Variants in PHKG1 observed in about 807,000 individuals in gnomAD.
PHKG1 encodes the protein phosphorylase kinase catalytic subunit gamma 1, also known as phosphorylase b kinase gamma catalytic chain, skeletal muscle/heart isoform.
A neutral mutation model predicts 50.5 loss-of-function variants in PHKG1; 48 were observed. That is an observed-to-expected ratio of 0.95 (90% CI 0.75 to 1.21). PHKG1 has a LOEUF of 1.21. Among genes scored for constraint, PHKG1 ranks in the 50% most tolerant of loss-of-function variants. PHKG1 has a pLI of 0.00. For synonymous variants in PHKG1, 204 were observed against 212.8 expected (o/e 0.96, Z 0.36); for missense variants, 487 against 519.5 (o/e 0.94, Z 0.61).
Position 56,088,984 on chromosome 7 carries a change from G to T in PHKG1, c.-34-9C>A. ...GGGAACTCTGGGTGGCTCTGAGAGG[G>T]GAAAAGAAAGAAGCTGTCAGCCTTC... On this transcript the variant is annotated splice_polypyrimidine_tract_variant and intron_variant, in intron 1 of 9. Transcript: ENST00000297373. 1.4e-6 allele frequency: 2 copies of T among 1,383,756 alleles called. No individual in the cohort carries two copies. The highest frequency in any genetic ancestry group is 1.2e-5 in the South Asian group (1 of 85,408). 85.7% of individuals were successfully genotyped at this position (1,383,756 alleles called of 1,614,324 possible).
At chr7:56,089,590 C>G (rs1007576375) in intron 1 of PHKG1, among the ~76,000 whole-genome samples, 3 of 148,944 alleles carry the variant, frequency 2.0e-5, no homozygotes, top group East Asian at 2.0e-4. Context: ...AATCTTGGCT[C>G]TCAGCTCACT....
Position 56,081,955 on chromosome 7 carries a change from T to A in PHKG1, c.730A>T (p.Ser244Cys), listed in dbSNP as rs778380422. 3 of 1,613,892 alleles carry A rather than the reference T, an allele frequency of 1.9e-6. No individual in the cohort carries two copies. In the Admixed American group the frequency reaches 5.0e-5, roughly 27 times the overall value. ...KQMLMLRMIM[S>C]GNYQFGSPEW... ...GGCGAGCCAAACTGGTAGTTGCCGCTCATGATCATCCTCAGCATCAGCATC... is the reference window on the plus strand; with the variant it reads ...GGCGAGCCAAACTGGTAGTTGCCGCACATGATCATCCTCAGCATCAGCATC... Residue 244 changes from serine to cysteine, a missense_variant, in exon 8 of 10, where the codon AGC (serine) becomes TGC (cysteine). Transcript: ENST00000297373. This position sits in a 1 kb window ranked among gnomAD's most constrained non-coding sequence, Gnocchi z 4.6.
rs770785821 is a variant in PHKG1 at position 56,087,755 on chromosome 7, CCTGACCACA to C, written c.96_104del (p.Ser32_Val34del). 6.2e-7 allele frequency: 1 copy of C among 1,612,684 alleles called. No homozygotes were observed. Among genetic ancestry groups the C allele is most frequent in the East Asian group, 2.2e-5 (1 of 44,874 alleles). ...GGCTCGTGGGCTTGTGGATGCATCG[CCTGACCACA>C]CTGCTAACGCCCCTGGGAGTGCAGA... On this transcript the variant is annotated inframe_deletion, in exon 3 of 10. Transcript: ENST00000297373.
chr7:56,082,357 C>G, intron 6 of PHKG1, 104 bp from the exon 7 acceptor site: 1 of 866,064 alleles, frequency 1.2e-6, no homozygotes, highest in South Asian at 1.7e-5. Flanking sequence ...CTTTGGGAGG[C>G]CGAGGCAGGT....
chr7:56,090,122 G>T (rs1458489160), intron 1 of PHKG1, among the ~76,000 whole-genome samples: 1 of 151,782 alleles, frequency 6.6e-6, no homozygotes, highest in Non-Finnish European at 1.5e-5. Context: ...TTTGTTTTTG[G>T]TGTTTTTTGT....
chr7:56,087,115 G>C, intron 3 of PHKG1, 91 bp from the exon 4 acceptor site: 1 of 924,382 alleles, frequency 1.1e-6, no homozygotes, highest in East Asian at 2.4e-5. Flanking sequence ...AGGCTGCTGT[G>C]GGCTAACTTC....
intron 4 of PHKG1, among the ~76,000 whole-genome samples, chr7:56,086,654 G>A (rs191004296): frequency 1.4e-4 from 21 of 151,120 alleles, no homozygotes; most frequent in African/African-American, 3.9e-4. Flanking sequence ...CTGGGATTAC[G>A]GTTGTGAGCC....
intron 1 of PHKG1, among the ~76,000 whole-genome samples, chr7:56,090,056 A>G (rs1174086633): frequency 2.0e-5 from 3 of 152,060 alleles, no homozygotes; most frequent in Non-Finnish European, 1.5e-5. Context: ...CTTCTAGGAC[A>G]GGCTTCCTGC....
Position 56,081,257 on chromosome 7 carries a change from GGTA to G in PHKG1, c.958_960del (p.Tyr320del). The G allele has an allele frequency of 6.2e-7, 1 of 1,612,880 alleles. No individual in the cohort carries two copies. The highest frequency in any genetic ancestry group is 8.5e-7 in the Non-Finnish European group (1 of 1,179,896). ...GTCACAGGCTTCACCCGGCGGTACT[GGTA>G]GTAGATCCGCACTGAAGCCAGCACG... On this transcript the variant is annotated inframe_deletion, in exon 10 of 10. Coordinates refer to ENST00000297373, the MANE Select transcript of PHKG1 (RefSeq NM_006213.5). This position sits in a 1 kb window ranked among gnomAD's most constrained non-coding sequence, Gnocchi z 4.6.
In PHKG1 at chr7:56,089,036, G is replaced by T; in HGVS notation, c.-34-61C>A. 5.3e-6 allele frequency: 4 copies of T among 756,584 alleles called. No homozygotes were observed. The South Asian group carries it at 6.0e-5, about 11-fold the overall frequency. The allele number at this position is 756,584 out of a possible 1,614,324, so 46.9% of individuals were successfully genotyped here. ...TGACCCAGGGGCTGTTCTCCTTGGG[G>T]TCTGGAACTGTTTCTCACTCATCCT... On this transcript the variant is annotated intron_variant, in intron 1 of 9. Coordinates refer to ENST00000297373, the MANE Select transcript of PHKG1 (RefSeq NM_006213.5).
At chr7:56,089,442 A>G (rs939651625) in intron 1 of PHKG1, among the ~76,000 whole-genome samples, 2 of 71,958 alleles carry the variant, frequency 2.8e-5, no homozygotes, top group African/African-American at 9.7e-5. Context: ...ATGCTCTGTT[A>G]CCCATCTCTG....
chr7:56,083,183 ATT>A, intron 6 of PHKG1, 93 bp downstream of exon 6: 1 of 1,102,416 alleles, frequency 9.1e-7, no homozygotes, highest in Non-Finnish European at 1.3e-6. Context: ...CCAGGGAACA[ATT>A]AAGTTAGGGG....
rs1223785860 is a variant in PHKG1 at position 56,081,347 on chromosome 7, G to A, written c.919-48C>T. On this transcript the variant is annotated intron_variant, in intron 9 of 9. Coordinates refer to ENST00000297373, the MANE Select transcript of PHKG1 (RefSeq NM_006213.5). The surrounding 1 kb of genome is among the most constrained non-coding windows in gnomAD (Gnocchi z 4.6). The stretch of plus-strand genomic sequence containing the variant: ...TGGGCTGCAGCCCCCGCCCTGCCAG[G>A]CCCTGCCCCTCCAGCACAGGGACGC... 1.3e-6 allele frequency: 2 copies of A among 1,561,370 alleles called. No individual in the cohort carries two copies. The highest frequency in any genetic ancestry group is 1.7e-6 in the Non-Finnish European group (2 of 1,160,740).
chr7:56,081,643 CG>C lies in PHKG1; in HGVS notation c.904del (p.Arg302GlyfsTer6). The C allele has an allele frequency of 6.2e-7, 1 of 1,613,556 alleles. No homozygotes were observed. ...LVEEVRHFSP[R>X]GKFKVIALTV... ...GACGCTTAGTACCTTGAACTTCCCCCGGGGGCTGAAGTGCCGCACTTCCTCC... is the reference window on the plus strand; with the variant it reads ...GACGCTTAGTACCTTGAACTTCCCCCGGGGCTGAAGTGCCGCACTTCCTCC... On this transcript the variant is annotated frameshift_variant, in exon 9 of 10. Transcript: ENST00000297373. LOFTEE classifies it high-confidence loss of function. The surrounding 1 kb of genome is among the most constrained non-coding windows in gnomAD (Gnocchi z 4.6).
At chr7:56,090,302 G>C (rs1017332099) in intron 1 of PHKG1, among the ~76,000 whole-genome samples, 1 of 152,036 alleles carries the variant, frequency 6.6e-6, no homozygotes, top group Non-Finnish European at 1.5e-5. Context: ...TTTTAGTAGA[G>C]ATGGAGTTTC....
chr7:56,083,306 G>T lies in PHKG1; in HGVS notation c.519C>A (p.Cys173Ter). 1 of 1,613,984 alleles carries T rather than the reference G, an allele frequency of 6.2e-7. No individual in the cohort carries two copies. The highest frequency in any genetic ancestry group is 8.5e-7 in the Non-Finnish European group (1 of 1,179,942). ...GCAGCCTCTCTCCCGGCTCCAGCTG[G>T]CAGGAAAAGCCAAAGTCTGTGAGCT... is the stretch of plus-strand genomic sequence containing the variant. ...NIKLTDFGFS[C>*]QLEPGERLRE... is the part of the protein sequence containing the mutation. The change falls in exon 6 of 10, where the codon TGC becomes TGA. Residue 173 changes from cysteine to a stop codon, truncating the protein, a stop_gained. Transcript: ENST00000297373. LOFTEE classifies it high-confidence loss of function.
At chr7:56,087,082 C>A in intron 3 of PHKG1, 58 bp from the exon 4 acceptor site, 1 of 1,345,794 alleles carries the variant, frequency 7.4e-7, no homozygotes, top group Non-Finnish European at 1.1e-6. Context: ...CAGGGGCAGC[C>A]GGGGCACGGG....
chr7:56,090,572 G>A (rs886966198), intron 1 of PHKG1, among the ~76,000 whole-genome samples: 2 of 12,610 alleles, frequency 1.6e-4, no homozygotes, highest in African/African-American at 4.5e-4. Context: ...ATCCTGGTCC[G>A]CCTCTGGTGT....
intron 4 of PHKG1, among the ~76,000 whole-genome samples, chr7:56,084,868 T>TTAG (rs1281456635): frequency 1.3e-5 from 2 of 152,076 alleles, no homozygotes; most frequent in African/African-American, 2.4e-5. Flanking sequence ...AAAAATAGCT[T>TTAG]CCCCCAGCAA....
Sources: allele counts gnomAD v4.1 joint callset (sites outside exome capture counted in the v4.1 genomes callset), GRCh38; gene constraint gnomAD v4.1.1; non-coding constraint Gnocchi (gnomAD v3.1); transcripts MANE v1.5; gene names NCBI Gene and HGNC (gene_info 2026-07-23, HGNC 2026-07-21).